Variants in SOHLH1 observed in about 807,000 individuals in gnomAD.
SOHLH1 encodes spermatogenesis- and oogenesis-specific basic helix-loop-helix-containing protein 1.
SOHLH1 carries 23 observed loss-of-function variants against 36.2 expected under a neutral mutation model. That is an observed-to-expected ratio of 0.64 (90% CI 0.46 to 0.90). SOHLH1 has a LOEUF of 0.90. Among genes scored for constraint, SOHLH1 ranks in the 40% least tolerant of loss-of-function variants. The pLI is 0.00. For missense variants in SOHLH1, 608 were observed against 517.0 expected, an observed-to-expected ratio of 1.18 and a Z score of -1.71; for synonymous variants, 289 against 228.3, an observed-to-expected ratio of 1.27 and a Z score of -2.40.
rs1403535913 is a variant in SOHLH1, at chr9:135,699,434, C to A, written c.34G>T (p.Val12Phe). 6.2e-7 allele frequency: 1 copy of A among 1,612,250 alleles called. No individual in the cohort carries two copies. Among genetic ancestry groups the A allele is most frequent in the East Asian group, 2.2e-5 (1 of 44,872 alleles). ...ASRCSEPYPE[V>F]SRIPTVRGCN... is the part of the protein sequence containing the mutation. The stretch of plus-strand genomic sequence containing the variant: ...CCCCTGACGGTAGGGATTCTGGAGA[C>A]CTCCGGGTAGGGCTCGGAGCACCGG... Residue 12 changes from valine to phenylalanine, a missense_variant, in exon 1 of 8, where the codon GTC becomes TTC. Coordinates refer to ENST00000425225, the MANE Select transcript of SOHLH1 (RefSeq NM_001101677.2).
chr9:135,696,501 G>A, intron 5 of SOHLH1, 111 bp downstream of exon 5: 2 of 1,170,030 alleles, frequency 1.7e-6, no homozygotes, highest in African/African-American at 5.5e-5. Context: ...CAAGGGCCTG[G>A]GAAAACTTCG....
chr9:135,697,665 C>G, intron 3 of SOHLH1, 38 bp from the exon 4 acceptor site: 1 of 1,597,866 alleles, frequency 6.3e-7, no homozygotes. Flanking sequence ...AAGACAGAGA[C>G]AGTCAGCTGA....
At chr9:135,697,941 G>A (rs918105069) in intron 3 of SOHLH1, among the ~76,000 whole-genome samples, 5 of 145,134 alleles carry the variant, frequency 3.4e-5, no homozygotes, top group Non-Finnish European at 7.5e-5. Context: ...GTCAGCCAGA[G>A]CCCCCAGAGC....
rs1404149697 is a variant in SOHLH1 at position 135,695,215 on chromosome 9, G to A, written c.710C>T (p.Ala237Val). 1 of 1,605,520 alleles carries A rather than the reference G, an allele frequency of 6.2e-7. No homozygotes were observed. The highest frequency in any genetic ancestry group is 8.5e-7 in the Non-Finnish European group (1 of 1,177,602). ...AGGCCAGGACAGGGGTGGCCTCACAGCCTTAGGAAGACTCCGGCCTGGGGG... is the reference window on the plus strand; with the variant it reads ...AGGCCAGGACAGGGGTGGCCTCACAACCTTAGGAAGACTCCGGCCTGGGGG... Reference protein sequence around the residue: ...PWPPGRSLPKAVRPPLSWPPF... With the variant: ...PWPPGRSLPKVVRPPLSWPPF... Residue 237 changes from alanine (A) to valine (V), a missense_variant, in exon 6 of 8, where the codon GCT (alanine) becomes GTT (valine). Coordinates refer to ENST00000425225, the MANE Select transcript of SOHLH1 (RefSeq NM_001101677.2).
At position 135,698,225 on chromosome 9, in the gene SOHLH1, G is replaced by T. The variant is rs1834885966; in HGVS notation, c.345+104C>A. On this transcript the variant is annotated intron_variant, in intron 3 of 7. Transcript: ENST00000425225. The stretch of plus-strand genomic sequence containing the variant: ...TGCTCTAGCCGTGGAGACCCAGAGG[G>T]CTGAAGGAGACGGGGATGACAGGGG... The T allele has an allele frequency of 2.6e-6, 4 of 1,521,644 alleles. No homozygotes were observed. The Admixed American group carries it at 5.0e-5, about 19-fold the overall frequency. 94.3% of individuals were successfully genotyped at this position (1,521,644 alleles called of 1,614,324 possible). A position where few individuals can be genotyped will look rare whatever the true frequency, so the allele number is the denominator to read the frequency against.
At chr9:135,700,543 C>A (rs1203468880), upstream of SOHLH1, among the ~76,000 whole-genome samples, 1 of 152,024 alleles carries the variant, frequency 6.6e-6, no homozygotes, top group East Asian at 1.9e-4. Flanking sequence ...GCTCTCCTCC[C>A]GAGAGGGGAG....
chr9:135,698,236 C>T (rs1834886271), intron 3 of SOHLH1, 93 bp downstream of exon 3: 7 of 1,564,004 alleles, frequency 4.5e-6, no homozygotes, highest in South Asian at 2.2e-5. Flanking sequence ...CTGAAGGAGA[C>T]GGGGATGACA....
intron 4 of SOHLH1, among the ~76,000 whole-genome samples, chr9:135,697,235 G>A (rs1424450771): frequency 6.6e-6 from 1 of 152,186 alleles, no homozygotes; most frequent in African/African-American, 2.4e-5. Flanking sequence ...CCCACACACA[G>A]GAGCAGAAGA....
chr9:135,697,404 G>C (rs543950110), intron 4 of SOHLH1, 102 bp downstream of exon 4: 1 of 1,524,632 alleles, frequency 6.6e-7, no homozygotes, highest in Admixed American at 1.8e-5. Context: ...AGGCCAAGCC[G>C]GGCCTCCAGG....
rs1243746641 is a variant in SOHLH1 at position 135,693,760 on chromosome 9, C to T, written c.1001G>A (p.Ser334Asn). 6 of 1,579,636 alleles carry T rather than the reference C, an allele frequency of 3.8e-6. No individual in the cohort carries two copies. Among genetic ancestry groups the T allele is most frequent in the Non-Finnish European group, 5.2e-6 (6 of 1,163,634 alleles). Reference sequence around the variant, plus strand: ...GCCTGGCTCTCCAACATCCAGTGGACTGCTCTCAGCTGGGGCCCATGCAGG... The same window carrying T: ...GCCTGGCTCTCCAACATCCAGTGGATTGCTCTCAGCTGGGGCCCATGCAGG... ...SGPAWAPAES[S>N]PLDVGEPGFL... The change falls in exon 8 of 8, where the codon AGT becomes AAT. Residue 334 changes from serine to asparagine, a missense_variant. By Grantham distance (46) the Ser-to-Asn change is conservative. Coordinates refer to ENST00000425225, the MANE Select transcript of SOHLH1 (RefSeq NM_001101677.2).
At chr9:135,694,944 G>C (rs949853233) in intron 6 of SOHLH1, 106 bp downstream of exon 6, 1 of 1,268,986 alleles carries the variant, frequency 7.9e-7, no homozygotes, top group Non-Finnish European at 1.1e-6. Flanking sequence ...GAAGCTTCCA[G>C]ATGCCGAGAA....
chr9:135,698,886 G>T, intron 2 of SOHLH1, 109 bp downstream of exon 2: 1 of 1,515,292 alleles, frequency 6.6e-7, no homozygotes, highest in Non-Finnish European at 9.1e-7. Context: ...CCTGGGCACA[G>T]GCCACGAGCC....
rs763275089 is a variant in SOHLH1 at position 135,696,674 on chromosome 9, G to A, written c.599C>T (p.Thr200Met). 51 of 1,612,768 alleles carry A rather than the reference G, an allele frequency of 3.2e-5. No homozygotes were observed. Among genetic ancestry groups the A allele is most frequent in the Non-Finnish European group, 3.7e-5 (44 of 1,179,908 alleles). Reference sequence around the variant, plus strand: ...CCCCAACAGTGCCTCACACTTGTCCGTGCCCAGGGACGTGCAGCTCGCGGG... The same window carrying A: ...CCCCAACAGTGCCTCACACTTGTCCATGCCCAGGGACGTGCAGCTCGCGGG... ...WDPASCTSLG[T>M]DKCEALLGLC... Residue 200 changes from threonine to methionine, a missense_variant, in exon 5 of 8, where the codon ACG becomes ATG. By Grantham distance (81) the Thr-to-Met change is moderately conservative (BLOSUM62 -1). Transcript: ENST00000425225.
In SOHLH1 at chr9:135,699,418, G is replaced by A. The variant is rs762515715; in HGVS notation, c.50C>T (p.Thr17Ile). Residue 17 changes from threonine (T) to isoleucine (I), a missense_variant, in exon 1 of 8, where the codon ACC (threonine) becomes ATC (isoleucine). Thr to Ile is a moderately conservative substitution (Grantham distance 89). Coordinates refer to ENST00000425225, the MANE Select transcript of SOHLH1 (RefSeq NM_001101677.2). ...EPYPEVSRIP[T>I]VRGCNGSLSG... Reference sequence around the variant, plus strand: ...AATTCCTCACTTGCATCCCCTGACGGTAGGGATTCTGGAGACCTCCGGGTA... The same window carrying A: ...AATTCCTCACTTGCATCCCCTGACGATAGGGATTCTGGAGACCTCCGGGTA... The A allele has an allele frequency of 1.2e-5, 19 of 1,612,090 alleles. No individual in the cohort carries two copies. The highest frequency in any genetic ancestry group is 2.7e-5 in the African/African-American group (2 of 74,926).
intron 6 of SOHLH1, among the ~76,000 whole-genome samples, chr9:135,694,661 C>G (rs1284279090): frequency 6.6e-6 from 1 of 152,128 alleles, no homozygotes; most frequent in Admixed American, 6.5e-5. Context: ...TCGCGGGTCC[C>G]GATCCGTCCT....
At chr9:135,693,975 G>A (rs1339041621) in intron 7 of SOHLH1, 161 bp from the exon 8 acceptor site, 7 of 1,430,178 alleles carry the variant, frequency 4.9e-6, no homozygotes, top group Non-Finnish European at 6.4e-6. Context: ...CATACCTGGT[G>A]GCCCCAGACC....
chr9:135,694,372 C>T lies in SOHLH1; in HGVS notation c.946+15G>A. On this transcript the variant is annotated intron_variant, in intron 7 of 7. Transcript: ENST00000425225. ...TACGCGGGGGGACCAGCCCTGAACC[C>T]AGGGCCCCACTCACCCGGCCACGAG... The T allele has an allele frequency of 6.2e-7, 1 of 1,612,914 alleles. No homozygotes were observed. Among genetic ancestry groups the T allele is most frequent in the Non-Finnish European group, 8.5e-7 (1 of 1,179,942 alleles).
chr9:135,694,109 C>T (rs1373806691), intron 7 of SOHLH1: 2 of 1,429,344 alleles, frequency 1.4e-6, no homozygotes, highest in African/African-American at 2.9e-5. Flanking sequence ...GACCAGGGGC[C>T]TCGCTGACAC....
chr9:135,696,101 C>G (rs1834782661), intron 5 of SOHLH1, among the ~76,000 whole-genome samples: 1 of 20,810 alleles, frequency 4.8e-5, no homozygotes, highest in African/African-American at 1.3e-4. Flanking sequence ...AGACCCAGGA[C>G]AGAACCAAGT....
Sources: gnomAD v4.1 joint callset for allele counts (sites outside exome capture counted in the v4.1 genomes callset) on GRCh38, gnomAD v4.1.1 for gene constraint, MANE v1.5 for transcripts, NCBI Gene and HGNC (gene_info 2026-07-23, HGNC 2026-07-21) for gene names.